Variants in MAML2 observed in about 807,000 individuals in gnomAD.
MAML2 encodes mastermind-like protein 2.
Under a neutral mutation model 96.1 loss-of-function variants are expected in MAML2, and 22 were observed. That is an observed-to-expected ratio of 0.23 (90% CI 0.16 to 0.33). MAML2 has a LOEUF of 0.33. Among genes scored for constraint, MAML2 ranks in the 10% least tolerant of loss-of-function variants. MAML2 has a pLI of 1.00. For synonymous variants in MAML2, 561 were observed against 521.3 expected, an observed-to-expected ratio of 1.08 and a Z score of -1.04; for missense variants, 1,367 against 1,392.4, an observed-to-expected ratio of 0.98 and a Z score of 0.29.
intron 2 of MAML2, among the ~76,000 whole-genome samples, chr11:96,008,039 A>T (rs1045369443): frequency 2.5e-4 from 22 of 86,488 alleles, no homozygotes; most frequent in Admixed American, 1.1e-3. Context: ...AAAAAAAAAA[A>T]TTTTTCAGTG....
chr11:96,050,269 C>T (rs1445976005), intron 2 of MAML2, among the ~76,000 whole-genome samples: 3 of 152,078 alleles, frequency 2.0e-5, no homozygotes, highest in Admixed American at 1.3e-4. Context: ...ATGGGACTGT[C>T]GGTAGGGGCT....
At position 96,043,760 on chromosome 11, in the gene MAML2, C is replaced by T. The variant is rs756305506; in HGVS notation, c.2139+48132G>A. ...GCACTGCACTAAGCAATAATGGTGC[C>T]ACAGAGGTGACTATGGGGCAGTGTT... On this transcript the variant is annotated intron_variant, in intron 2 of 4. Transcript: ENST00000524717. Among the ~76,000 whole-genome samples, 6 of 152,208 alleles carry T rather than the reference C, an allele frequency of 3.9e-5. No individual in the cohort carries two copies. The East Asian group carries it at 5.8e-4, about 15-fold the overall frequency.
rs1429737301 is a variant in MAML2 at position 96,224,201 on chromosome 11, T to C, written c.513+117182A>G. Among the ~76,000 whole-genome samples, 4 of 152,198 alleles carry C rather than the reference T, an allele frequency of 2.6e-5. No individual in the cohort carries two copies. In the East Asian group the frequency reaches 5.8e-4, roughly 22 times the overall value. Reference sequence around the variant, plus strand: ...AAATACATGTAAATTACTTAGTAGATAGTAAATATAAAATAAATAGTTATT... The same window carrying C: ...AAATACATGTAAATTACTTAGTAGACAGTAAATATAAAATAAATAGTTATT... On this transcript the variant is annotated intron_variant, in intron 1 of 4. Coordinates refer to ENST00000524717, the MANE Select transcript of MAML2 (RefSeq NM_032427.4).
At chr11:96,142,377 A>G (rs1031096159) in intron 1 of MAML2, among the ~76,000 whole-genome samples, 3 of 152,154 alleles carry the variant, frequency 2.0e-5, no homozygotes, top group Non-Finnish European at 4.4e-5. Flanking sequence ...TGTGAATGTT[A>G]CTCTGACTCT....
intron 2 of MAML2, among the ~76,000 whole-genome samples, chr11:96,014,036 C>A (rs769814542): frequency 6.6e-6 from 1 of 152,132 alleles, no homozygotes; most frequent in Non-Finnish European, 1.5e-5. Context: ...TAAACATTCA[C>A]CCCTAGACAT....
chr11:96,161,678 T>C (rs1444774204), intron 1 of MAML2, among the ~76,000 whole-genome samples: 1 of 152,244 alleles, frequency 6.6e-6, no homozygotes, highest in African/African-American at 2.4e-5. Context: ...TGTTTCACGT[T>C]CAGCATTCCT....
chr11:96,026,949 C>T (rs961136800), intron 2 of MAML2, among the ~76,000 whole-genome samples: 1 of 152,122 alleles, frequency 6.6e-6, no homozygotes, highest in Non-Finnish European at 1.5e-5. Flanking sequence ...CTATAACAGT[C>T]CCTGGCACAT....
chr11:96,075,160 A>G (rs2135792354), intron 2 of MAML2, among the ~76,000 whole-genome samples: 1 of 152,344 alleles, frequency 6.6e-6, no homozygotes, highest in South Asian at 2.1e-4. Flanking sequence ...GATATTGATA[A>G]TATTTCATGT....
At chr11:96,271,406 C>T (rs1323244708) in intron 1 of MAML2, among the ~76,000 whole-genome samples, 2 of 152,012 alleles carry the variant, frequency 1.3e-5, no homozygotes, top group African/African-American at 4.8e-5. Context: ...TGGGAGGGGC[C>T]AGGACTGGAA....
chr11:96,207,284 C>T (rs1033546525), intron 1 of MAML2, among the ~76,000 whole-genome samples: 3 of 152,156 alleles, frequency 2.0e-5, no homozygotes, highest in African/African-American at 7.2e-5. Context: ...TTTTAAGCCT[C>T]TTAAAGGTTA....
intron 1 of MAML2, among the ~76,000 whole-genome samples, chr11:96,315,968 T>A (rs1300547239): frequency 6.6e-6 from 1 of 152,210 alleles, no homozygotes; most frequent in Non-Finnish European, 1.5e-5. Flanking sequence ...AGTTTTTCTA[T>A]CATGTGGACA....
At chr11:96,170,569 T>C (rs1356717544) in intron 1 of MAML2, among the ~76,000 whole-genome samples, 2 of 152,172 alleles carry the variant, frequency 1.3e-5, no homozygotes, top group Non-Finnish European at 2.9e-5. Context: ...AAGAAGAGTG[T>C]AGATTCTATT....
intron 1 of MAML2, among the ~76,000 whole-genome samples, chr11:96,235,382 T>G (rs1156705092): frequency 6.6e-6 from 1 of 152,242 alleles, no homozygotes; most frequent in Non-Finnish European, 1.5e-5. Flanking sequence ...AATAGTCATA[T>G]GGTCCACAAA....
At position 96,331,479 on chromosome 11, in the gene MAML2, T is replaced by C. The variant is rs543028160; in HGVS notation, c.513+9904A>G. Among the ~76,000 whole-genome samples, 4 of 152,108 alleles carry C rather than the reference T, an allele frequency of 2.6e-5. No individual in the cohort carries two copies. The East Asian group carries it at 7.7e-4, about 29-fold the overall frequency. On this transcript the variant is annotated intron_variant, in intron 1 of 4. Coordinates refer to ENST00000524717, the MANE Select transcript of MAML2 (RefSeq NM_032427.4). ...TCCAAGATCTATTGCTATGGGTTCT[T>C]GGAGGCTTTCTCTTTAATAAAAAAA...
In MAML2 at chr11:96,093,377, G is replaced by A. The variant is rs1859768257; in HGVS notation, c.654C>T (p.Gly218=). The change falls in exon 2 of 5, where the codon GGC becomes GGT. Residue 218 remains glycine, a synonymous_variant. Transcript: ENST00000524717. ...VGENLSAGQG[G]LQINNGQSQI... ...GACTTTGTCCATTGTTTATTTGGAG[G>A]CCACCTTGTCCTGCAGAGAGATTCT... The A allele has an allele frequency of 6.2e-7, 1 of 1,613,970 alleles. No homozygotes were observed. Among genetic ancestry groups the A allele is most frequent in the South Asian group, 1.1e-5 (1 of 91,076 alleles).
intron 1 of MAML2, among the ~76,000 whole-genome samples, chr11:96,102,372 T>G (rs1859949944): frequency 6.6e-6 from 1 of 152,174 alleles, no homozygotes; most frequent in South Asian, 2.1e-4. Context: ...TACCAGTCTG[T>G]CTGGAAACAT....
chr11:96,129,352 T>C (rs11821882), intron 1 of MAML2, among the ~76,000 whole-genome samples: 64,222 of 152,096 alleles, frequency 0.42, 14,916 homozygotes, highest in African/African-American at 0.63. Context: ...GGGCTCTACC[T>C]CTAGAGTTTC....
chr11:96,089,384 GCT>G (rs1223355895), intron 2 of MAML2, among the ~76,000 whole-genome samples: 4 of 152,142 alleles, frequency 2.6e-5, no homozygotes, highest in African/African-American at 9.7e-5. Flanking sequence ...TTCAGAGAAA[GCT>G]CACACACCAC....
Position 96,092,564 on chromosome 11 carries a change from T to A in MAML2, c.1467A>T (p.Thr489=). 4 of 1,606,220 alleles carry A rather than the reference T, an allele frequency of 2.5e-6. No individual in the cohort carries two copies. The highest frequency in any genetic ancestry group is 3.4e-6 in the Non-Finnish European group (4 of 1,174,598). The change falls in exon 2 of 5, where the codon ACA becomes ACT. Residue 489 remains threonine, a synonymous_variant. Coordinates refer to ENST00000524717, the MANE Select transcript of MAML2 (RefSeq NM_032427.4). The surrounding 1 kb of genome is among the most constrained non-coding windows in gnomAD (Gnocchi z 4.1). ...GCATGGGGGAGCTCTGTGGGCTGAA[T>A]GTCTGCTGACCAAAAGAAGGGCTGG... The part of the protein sequence containing the change: ...KIPSPSFGQQ[T]FSPQSSPMPG...
Sources: gnomAD v4.1 joint callset for allele counts (sites outside exome capture counted in the v4.1 genomes callset) on GRCh38, gnomAD v4.1.1 for gene constraint, Gnocchi (gnomAD v3.1) non-coding constraint, MANE v1.5 for transcripts, NCBI Gene and HGNC (gene_info 2026-07-23, HGNC 2026-07-21) for gene names.